Variants in BICD1 observed in about 807,000 individuals in gnomAD.
BICD1 encodes protein bicaudal D homolog 1.
Under a neutral mutation model 92.5 loss-of-function variants are expected in BICD1, and 35 were observed. The ratio of observed to expected loss-of-function variants is 0.38; its 90% CI spans 0.29 to 0.50. The LOEUF (loss-of-function observed/expected upper bound fraction) is 0.50, where lower values mean the gene tolerates loss of function less well. BICD1 is among the 20% of genes least tolerant of loss of function. The pLI is 0.93. For missense variants in BICD1, 950 were observed against 1,189.8 expected, an observed-to-expected ratio of 0.80 and a Z score of 2.97; for synonymous variants, 429 against 465.1, an observed-to-expected ratio of 0.92 and a Z score of 1.00.
intron 1 of BICD1, among the ~76,000 whole-genome samples, chr12:32,117,812 A>G (rs1013559072): frequency 7.0e-4 from 102 of 146,186 alleles, no homozygotes; most frequent in African/African-American, 2.5e-3. Context: ...GTGCAATGGC[A>G]TGATCTCAGC....
At position 32,136,468 on chromosome 12, in the gene BICD1, G is replaced by A. The variant is rs1942737922; in HGVS notation, c.213+28924G>A. 2.0e-5 allele frequency among the ~76,000 whole-genome samples: 3 copies of A among 152,222 alleles called. No homozygotes were observed. In the South Asian group the frequency reaches 6.2e-4, roughly 31 times the overall value. On this transcript the variant is annotated intron_variant, in intron 1 of 9. Coordinates refer to ENST00000652176, the MANE Select transcript of BICD1 (RefSeq NM_001714.4). Reference sequence around the variant, plus strand: ...CCCTTCATGGGCCAAATGCAGGGCTGGGGCCCTTGGGCTAACCCTTTAGTG... The same window carrying A: ...CCCTTCATGGGCCAAATGCAGGGCTAGGGCCCTTGGGCTAACCCTTTAGTG...
At chr12:32,263,753 T>C (rs73312706) in intron 2 of BICD1, among the ~76,000 whole-genome samples, 4,243 of 152,260 alleles carry the variant, frequency 0.028, 218 homozygotes, top group African/African-American at 0.097. Context: ...TGATATATTA[T>C]GGATGTTTTC....
At position 32,346,562 on chromosome 12, in the gene BICD1, A is replaced by G. The variant is rs867289090; in HGVS notation, c.2764+7583A>G. On this transcript the variant is annotated intron_variant, in intron 8 of 9. Transcript: ENST00000652176. ...TATATATATATATATATATATATAT[A>G]TATATATATATATATATATACGTGT... Among the ~76,000 whole-genome samples the G allele has an allele frequency of 1.1e-3, 40 of 37,164 alleles. 4 individuals are homozygous for G. The highest frequency in any genetic ancestry group is 2.8e-3 in the South Asian group (2 of 708). The allele number at this position is 37,164 out of a possible 152,430, so 24.4% of individuals were successfully genotyped here.
chr12:32,350,193 A>T (rs537869878), intron 8 of BICD1, among the ~76,000 whole-genome samples: 1 of 152,228 alleles, frequency 6.6e-6, no homozygotes, highest in Non-Finnish European at 1.5e-5. Context: ...ATTTTAAATG[A>T]TGTAGTGAGC....
chr12:32,186,278 A>G (rs1944421706), intron 1 of BICD1, among the ~76,000 whole-genome samples: 1 of 152,184 alleles, frequency 6.6e-6, no homozygotes, highest in African/African-American at 2.4e-5. Flanking sequence ...CATACCCCTA[A>G]AACATTGCTG....
At chr12:32,221,283 T>G (rs1296910541) in intron 2 of BICD1, among the ~76,000 whole-genome samples, 1 of 150,876 alleles carries the variant, frequency 6.6e-6, no homozygotes. Context: ...AAAAAAAATG[T>G]AAAATGCTTC....
Position 32,346,536 on chromosome 12 carries a change from GTATATATATATATATATATATATATA to G in BICD1, c.2764+7578_2764+7603del, listed in dbSNP as rs59893108. ...TGTCAAAAAAAATATATATATACGT[GTATATATATATATATATATATATATA>G]TATATATATATATATATATACGTGT... On this transcript the variant is annotated intron_variant, in intron 8 of 9. Transcript: ENST00000652176. 3.4e-3 allele frequency among the ~76,000 whole-genome samples: 82 copies of G among 24,130 alleles called. 5 individuals are homozygous for G. The highest frequency in any genetic ancestry group is 5.8e-3 in the African/African-American group (73 of 12,612). 15.8% of individuals were successfully genotyped at this position (24,130 alleles called of 152,430 possible).
At chr12:32,281,180 C>T (rs1947402832) in intron 2 of BICD1, among the ~76,000 whole-genome samples, 1 of 152,124 alleles carries the variant, frequency 6.6e-6, no homozygotes, top group Admixed American at 6.6e-5. Context: ...TTACTCTTTC[C>T]CAGCTATGAC....
At position 32,337,956 on chromosome 12, in the gene BICD1, A is replaced by G; in HGVS notation, c.2570+140A>G. On this transcript the variant is annotated intron_variant, in intron 7 of 9. Coordinates refer to ENST00000652176, the MANE Select transcript of BICD1 (RefSeq NM_001714.4). The surrounding 1 kb of genome is among the most constrained non-coding windows in gnomAD (Gnocchi z 4.7). ...GAGCTGGCATATAAATGGTCTTGCT[A>G]ATGTGGGTCTTTCCAGATCAAAACC... 1.1e-6 allele frequency: 1 copy of G among 911,884 alleles called. No individual in the cohort carries two copies. Among genetic ancestry groups the G allele is most frequent in the South Asian group, 1.7e-5 (1 of 59,302 alleles). 56.5% of individuals were successfully genotyped at this position (911,884 alleles called of 1,614,324 possible).
intron 9 of BICD1, among the ~76,000 whole-genome samples, chr12:32,370,533 T>G (rs1211948953): frequency 6.6e-6 from 1 of 152,000 alleles, no homozygotes; most frequent in East Asian, 1.9e-4. Context: ...AAGGCCTGGG[T>G]CAGTGCTGGG....
At chr12:32,177,349 G>A (rs1030111643) in intron 1 of BICD1, among the ~76,000 whole-genome samples, 3 of 150,068 alleles carry the variant, frequency 2.0e-5, no homozygotes, top group African/African-American at 4.9e-5. Context: ...CTAAAATATC[G>A]TGTCTTTGAT....
chr12:32,343,429 G>A (rs1452993592), intron 8 of BICD1, among the ~76,000 whole-genome samples: 1 of 152,000 alleles, frequency 6.6e-6, no homozygotes, highest in Non-Finnish European at 1.5e-5. Context: ...TACGTAAAGG[G>A]AATCCATGTA....
chr12:32,156,017 T>C (rs1943425768), intron 1 of BICD1, among the ~76,000 whole-genome samples: 1 of 152,124 alleles, frequency 6.6e-6, no homozygotes, highest in Admixed American at 6.5e-5. Context: ...ACCTTTACAA[T>C]GGAGTGAGGT....
chr12:32,188,489 T>C (rs1375873548), intron 1 of BICD1, among the ~76,000 whole-genome samples: 2 of 152,176 alleles, frequency 1.3e-5, no homozygotes, highest in African/African-American at 4.8e-5. Flanking sequence ...AGAAATTCAG[T>C]TTTCTGTAAA....
intron 4 of BICD1, among the ~76,000 whole-genome samples, chr12:32,320,805 A>C (rs992777874): frequency 1.3e-5 from 2 of 152,240 alleles, no homozygotes; most frequent in African/African-American, 4.8e-5. Context: ...CAAAACAACC[A>C]GCTCTGCTGT....
chr12:32,171,504 C>T (rs1441909370), intron 1 of BICD1, among the ~76,000 whole-genome samples: 2 of 152,180 alleles, frequency 1.3e-5, no homozygotes, highest in Non-Finnish European at 2.9e-5. Context: ...GCCTTCAGGG[C>T]GTTCTTCTTC....
intron 2 of BICD1, among the ~76,000 whole-genome samples, chr12:32,235,702 C>CT (rs112596407): frequency 0.033 from 4,402 of 135,026 alleles, 229 homozygotes; most frequent in African/African-American, 0.1. Context: ...TTTTTCTTTT[C>CT]TTTTTTTTTT....
chr12:32,337,788 C>T lies in BICD1; in HGVS notation c.2542C>T (p.Arg848Trp), dbSNP rs761440526. 14 of 1,614,052 alleles carry T rather than the reference C, an allele frequency of 8.7e-6. No individual in the cohort carries two copies. In the African/African-American group the frequency reaches 1.1e-4, roughly 12 times the overall value. The change falls in exon 7 of 10, where the codon CGG (arginine) becomes TGG (tryptophan). Residue 848 changes from arginine (R) to tryptophan (W), a missense_variant. Transcript: ENST00000652176. This position sits in a 1 kb window ranked among gnomAD's most constrained non-coding sequence, Gnocchi z 4.7. ...HSQGPQTPNI[R>W]VSSGTQRKRQ... ...TCAGGGCCCACAGACACCCAACATT[C>T]GGGTCAGCAGTGGCACTCAGAGGAA...
chr12:32,306,339 G>A (rs1948215834), intron 4 of BICD1, among the ~76,000 whole-genome samples: 2 of 152,050 alleles, frequency 1.3e-5, no homozygotes, highest in Non-Finnish European at 1.5e-5. Context: ...CGCCTCCCAG[G>A]TTCAAGTGAT....
Sources: allele counts gnomAD v4.1 joint callset (sites outside exome capture counted in the v4.1 genomes callset), GRCh38; gene constraint gnomAD v4.1.1; non-coding constraint Gnocchi (gnomAD v3.1); transcripts MANE v1.5; gene names NCBI Gene and HGNC (gene_info 2026-07-23, HGNC 2026-07-21).